PCDH9: variants seen among roughly 807,000 people sequenced by gnomAD.
PCDH9 encodes protocadherin 9.
Under a neutral mutation model 70.6 loss-of-function variants are expected in PCDH9, and 24 were observed. The observed-to-expected ratio is 0.34, with a 90% CI of 0.25 to 0.48. PCDH9 has a LOEUF of 0.48. Among genes scored for constraint, PCDH9 ranks in the 20% least tolerant of loss-of-function variants. The pLI is 0.99. For synonymous variants in PCDH9, 562 were observed against 558.5 expected (o/e 1.01, Z -0.09); for missense variants, 1,281 against 1,503.6 (o/e 0.85, Z 2.45).
chr13:66,794,670 A>G (rs2080212474), intron 3 of PCDH9, among the ~76,000 whole-genome samples: 1 of 152,150 alleles, frequency 6.6e-6, no homozygotes. Context: ...CTGCTGTTCA[A>G]CTTTGCTTGA....
chr13:66,862,540 T>C (rs1230081246), intron 3 of PCDH9, among the ~76,000 whole-genome samples: 1 of 152,214 alleles, frequency 6.6e-6, no homozygotes, highest in Non-Finnish European at 1.5e-5. Context: ...CCCCAATGCC[T>C]GTTAAATTTA....
chr13:67,228,628 C>T (rs952459958), intron 1 of PCDH9, 53 bp from the exon 2 acceptor site: 3 of 438,320 alleles, frequency 6.8e-6, no homozygotes, highest in Admixed American at 8.4e-5. Context: ...AAAAACACAC[C>T]GTCACAAAAT....
At chr13:66,755,668 A>G (rs543246385) in intron 3 of PCDH9, among the ~76,000 whole-genome samples, 4 of 152,110 alleles carry the variant, frequency 2.6e-5, no homozygotes, top group Non-Finnish European at 4.4e-5. Flanking sequence ...ACAACTGACC[A>G]TAATTGAGGG....
chr13:66,704,964 A>C (rs2078692273), intron 3 of PCDH9, among the ~76,000 whole-genome samples: 1 of 152,098 alleles, frequency 6.6e-6, no homozygotes, highest in African/African-American at 2.4e-5. Context: ...ATTTGTTTTC[A>C]TCAATGCTTA....
chr13:66,369,051 G>A (rs1956601582), intron 4 of PCDH9, among the ~76,000 whole-genome samples: 1 of 151,976 alleles, frequency 6.6e-6, no homozygotes, highest in African/African-American at 2.4e-5. Context: ...TGTTTCTCTT[G>A]CTAAAATAAA....
chr13:66,819,995 G>C (rs921362169), intron 3 of PCDH9, among the ~76,000 whole-genome samples: 1 of 151,988 alleles, frequency 6.6e-6, no homozygotes, highest in Non-Finnish European at 1.5e-5. Flanking sequence ...AGATAATTAT[G>C]GGTACTTTAA....
chr13:66,430,561 A>G (rs531841510), intron 4 of PCDH9, among the ~76,000 whole-genome samples: 60 of 152,174 alleles, frequency 3.9e-4, no homozygotes, highest in Admixed American at 6.5e-4. Context: ...AGTAGCAACC[A>G]GGTGTTGGCC....
intron 2 of PCDH9, among the ~76,000 whole-genome samples, chr13:67,186,144 G>A (rs1159464566): frequency 2.6e-5 from 4 of 151,900 alleles, no homozygotes; most frequent in African/African-American, 4.8e-5. Flanking sequence ...TGAAACAATC[G>A]GCTGTTGGGA....
intron 2 of PCDH9, among the ~76,000 whole-genome samples, chr13:67,075,648 G>C (rs751974234): frequency 6.6e-6 from 1 of 151,600 alleles, no homozygotes; most frequent in Non-Finnish European, 1.5e-5. Context: ...TATGTCCTTC[G>C]TTCTACACTT....
chr13:66,402,148 T>C (rs1230660472), intron 4 of PCDH9, among the ~76,000 whole-genome samples: 1 of 152,122 alleles, frequency 6.6e-6, no homozygotes, highest in Non-Finnish European at 1.5e-5. Flanking sequence ...GCCTTTGGAA[T>C]TGATACGTGA....
intron 3 of PCDH9, among the ~76,000 whole-genome samples, chr13:66,865,820 A>G (rs938986858): frequency 6.6e-5 from 10 of 152,232 alleles, no homozygotes; most frequent in African/African-American, 2.4e-4. Context: ...CAGAATTTAT[A>G]TGTAGTAACA....
chr13:66,355,583 C>T (rs1387448272), intron 4 of PCDH9, among the ~76,000 whole-genome samples: 1 of 152,070 alleles, frequency 6.6e-6, no homozygotes, highest in African/African-American at 2.4e-5. Context: ...ACAGAAAGAG[C>T]ACATGTGTTA....
intron 4 of PCDH9, among the ~76,000 whole-genome samples, chr13:66,465,133 A>AT (rs1958494969): frequency 6.6e-6 from 1 of 151,884 alleles, no homozygotes; most frequent in African/African-American, 2.4e-5. Context: ...GGGTGATTTA[A>AT]TAGCAAGAAG....
intron 4 of PCDH9, among the ~76,000 whole-genome samples, chr13:66,321,214 A>C (rs1188691059): frequency 6.6e-6 from 1 of 152,068 alleles, no homozygotes; most frequent in African/African-American, 2.4e-5. Flanking sequence ...AAACATGCCC[A>C]ACTTTTTCCT....
chr13:66,338,649 T>TG lies in PCDH9; in HGVS notation c.3341-33622dup, dbSNP rs145561887. 1.9e-3 allele frequency among the ~76,000 whole-genome samples: 282 copies of TG among 148,702 alleles called. 1 individual carries two copies. Among genetic ancestry groups the TG allele is most frequent in the African/African-American group, 6.8e-3 (273 of 40,388 alleles). On this transcript the variant is annotated intron_variant, in intron 4 of 4. Transcript: ENST00000377865. ...TGAAAAGTGTGTGTGTGTAGAGGGG[T>TG]GGGGGGTGGTTCTGTGTGAGAAATT...
At chr13:66,989,517 G>T (rs2083959558) in intron 2 of PCDH9, among the ~76,000 whole-genome samples, 1 of 151,850 alleles carries the variant, frequency 6.6e-6, no homozygotes, top group Non-Finnish European at 1.5e-5. Flanking sequence ...AGTAATGAAT[G>T]TCACTTCCTG....
rs548302514 is a variant in PCDH9 at position 67,227,622 on chromosome 13, C to T, written c.819G>A (p.Gln273=). 3.1e-6 allele frequency: 5 copies of T among 1,613,854 alleles called. No homozygotes were observed. The South Asian group carries it at 5.5e-5, about 18-fold the overall frequency. The change falls in exon 2 of 5, where the codon CAG becomes CAA. Residue 273 remains glutamine (Q), a synonymous_variant. Transcript: ENST00000377865. This position sits in a 1 kb window ranked among gnomAD's most constrained non-coding sequence, Gnocchi z 4.6. The stretch of plus-strand genomic sequence containing the variant: ...CTATATCTGCATCAGTGGCATGGAG[C>T]TGAATTACAGAGGTACCTACGGGAG... ...ENAPVGTSVI[Q]LHATDADIGS...
At chr13:66,921,490 T>G (rs1472399012) in intron 2 of PCDH9, among the ~76,000 whole-genome samples, 1 of 151,222 alleles carries the variant, frequency 6.6e-6, no homozygotes, top group Non-Finnish European at 1.5e-5. Context: ...TATGGTCCTT[T>G]GATAAGCCAT....
chr13:66,721,214 A>G lies in PCDH9; in HGVS notation c.3139-89803T>C, dbSNP rs199499319. 6.6e-5 allele frequency among the ~76,000 whole-genome samples: 10 copies of G among 152,340 alleles called. No homozygotes were observed. The East Asian group carries it at 1.9e-3, about 29-fold the overall frequency. On this transcript the variant is annotated intron_variant, in intron 3 of 4. Coordinates refer to ENST00000377865, the MANE Select transcript of PCDH9 (RefSeq NM_203487.3). ...ATTTGGGAATAATTATAACGTGATA[A>G]GGAAAAACAATGTAATGAACTTCCA...
Sources: allele counts gnomAD v4.1 joint callset (sites outside exome capture counted in the v4.1 genomes callset), GRCh38; gene constraint gnomAD v4.1.1; non-coding constraint Gnocchi (gnomAD v3.1); transcripts MANE v1.5; gene names NCBI Gene and HGNC (gene_info 2026-07-23, HGNC 2026-07-21).